Variants in CSMD1 observed in about 807,000 individuals in gnomAD.
The protein encoded by CSMD1 is CUB and Sushi multiple domains 1, also known as CUB and sushi domain-containing protein 1.
In CSMD1, 213 loss-of-function variants were observed where a neutral mutation model predicts 417.5. The observed-to-expected ratio is 0.51, with a 90% CI of 0.46 to 0.57. The LOEUF is 0.57. Among genes scored for constraint, CSMD1 ranks in the 20% least tolerant of loss-of-function variants. The pLI is 0.00. For synonymous variants in CSMD1, 2,862 were observed against 1,736.8 expected (o/e 1.65, Z -16.11); for missense variants, 6,923 against 4,529.7 (o/e 1.53, Z -15.17).
chr8:3,125,789 C>A (rs1324798085), intron 41 of CSMD1, among the ~76,000 whole-genome samples: 1 of 152,152 alleles, frequency 6.6e-6, no homozygotes, highest in Non-Finnish European at 1.5e-5. Context: ...CCAGCCTGGC[C>A]AACATGGTGA....
intron 12 of CSMD1, among the ~76,000 whole-genome samples, chr8:3,453,970 G>T (rs554862403): frequency 1.2e-4 from 19 of 152,174 alleles, no homozygotes; most frequent in African/African-American, 4.1e-4. Context: ...GGTCTCTAAG[G>T]ACTTGCTTTA....
intron 10 of CSMD1, among the ~76,000 whole-genome samples, chr8:3,565,412 G>T (rs372533258): frequency 1.3e-5 from 2 of 152,154 alleles, no homozygotes; most frequent in African/African-American, 4.8e-5. Flanking sequence ...TTATAGGAAA[G>T]GGTGGTGTGT....
At position 3,369,245 on chromosome 8, in the gene CSMD1, G is replaced by A; in HGVS notation, c.2899+9C>T. 7.3e-7 allele frequency: 1 copy of A among 1,360,976 alleles called. No homozygotes were observed. The allele number at this position is 1,360,976 out of a possible 1,614,324, so 84.3% of individuals were successfully genotyped here. Reference sequence around the variant, plus strand: ...GTCTGTATGTTTGAGACCTATGATAGATTCTTACCTTTCCCATGAGACACT... The same window carrying A: ...GTCTGTATGTTTGAGACCTATGATAAATTCTTACCTTTCCCATGAGACACT... On this transcript the variant is annotated intron_variant, in intron 19 of 69. Coordinates refer to ENST00000635120, the MANE Select transcript of CSMD1 (RefSeq NM_033225.6).
At chr8:3,982,679 C>T (rs973657549) in intron 5 of CSMD1, among the ~76,000 whole-genome samples, 3 of 151,550 alleles carry the variant, frequency 2.0e-5, no homozygotes, top group African/African-American at 2.4e-5. Context: ...ACCAGGGTGG[C>T]GGACCGGAAG....
chr8:3,032,267 AC>A (rs2128978199), intron 50 of CSMD1, among the ~76,000 whole-genome samples: 1 of 151,934 alleles, frequency 6.6e-6, no homozygotes, highest in South Asian at 2.1e-4. Context: ...TACAAAAAAA[AC>A]TGAGTTTGAA....
intron 5 of CSMD1, among the ~76,000 whole-genome samples, chr8:3,923,152 C>A (rs1486326493): frequency 6.6e-6 from 1 of 152,090 alleles, no homozygotes; most frequent in African/African-American, 2.4e-5. Context: ...CCAGACCACG[C>A]CGAAGCTTCA....
At chr8:4,945,311 G>A (rs565404962) in intron 1 of CSMD1, among the ~76,000 whole-genome samples, 77 of 152,226 alleles carry the variant, frequency 5.1e-4, no homozygotes, top group African/African-American at 1.8e-3. Context: ...AATAAGTCCT[G>A]GAGATGGATG....
chr8:3,120,515 T>C (rs1044417926), intron 41 of CSMD1, among the ~76,000 whole-genome samples: 3 of 152,164 alleles, frequency 2.0e-5, no homozygotes, highest in Non-Finnish European at 4.4e-5. Context: ...CTTTCTCCTA[T>C]TTAATAAACT....
chr8:4,071,563 T>C (rs1799560185), intron 3 of CSMD1, among the ~76,000 whole-genome samples: 1 of 152,202 alleles, frequency 6.6e-6, no homozygotes, highest in African/African-American at 2.4e-5. Context: ...TCTCCGCTAA[T>C]TCCAACATCT....
At chr8:4,988,925 A>G (rs1300929867) in intron 1 of CSMD1, among the ~76,000 whole-genome samples, 1 of 152,222 alleles carries the variant, frequency 6.6e-6, no homozygotes, top group East Asian at 1.9e-4. Flanking sequence ...TTTTTCCTGT[A>G]AAGGGAATTT....
chr8:3,477,785 A>T (rs559527222), intron 11 of CSMD1, among the ~76,000 whole-genome samples: 1 of 152,172 alleles, frequency 6.6e-6, no homozygotes, highest in African/African-American at 2.4e-5. Flanking sequence ...GAGAGCAAGT[A>T]AAGTGAGTTA....
chr8:3,949,851 C>T, intron 5 of CSMD1: 1 of 453,886 alleles, frequency 2.2e-6, no homozygotes, highest in Admixed American at 2.4e-5. Context: ...GAGGGGATCC[C>T]TGGGGACATG....
At chr8:4,615,237 C>A (rs1334096022) in intron 2 of CSMD1, among the ~76,000 whole-genome samples, 2 of 152,142 alleles carry the variant, frequency 1.3e-5, no homozygotes, top group African/African-American at 4.8e-5. Flanking sequence ...CATGTGAACA[C>A]AACACACCTG....
chr8:3,113,027 G>A (rs914639554), intron 42 of CSMD1: 5 of 152,200 alleles, frequency 3.3e-5, no homozygotes, highest in African/African-American at 9.7e-5. Flanking sequence ...AAGTGGTGGC[G>A]TCTCACTGAG....
At chr8:4,414,235 T>A (rs1040424622) in intron 3 of CSMD1, among the ~76,000 whole-genome samples, 1 of 152,152 alleles carries the variant, frequency 6.6e-6, no homozygotes. Context: ...GCTTGAGGGA[T>A]GTGTCAGAGG....
chr8:4,613,372 CAGAGAAATCCTAA>C (rs1801293062), intron 2 of CSMD1, among the ~76,000 whole-genome samples: 2 of 152,176 alleles, frequency 1.3e-5, no homozygotes, highest in East Asian at 3.9e-4. Flanking sequence ...CACTGGCACA[CAGAGAAATCCTAA>C]AGAGAAATTA....
chr8:4,719,574 T>C (rs2099541721), intron 1 of CSMD1, among the ~76,000 whole-genome samples: 1 of 148,724 alleles, frequency 6.7e-6, no homozygotes, highest in Admixed American at 6.7e-5. Context: ...TATTGCATCC[T>C]TTCTAAGATA....
chr8:3,965,543 G>C (rs1016548094), intron 5 of CSMD1, among the ~76,000 whole-genome samples: 11 of 152,116 alleles, frequency 7.2e-5, no homozygotes, highest in African/African-American at 2.4e-4. Flanking sequence ...TGAACAACTA[G>C]GTCAGGAAAG....
intron 35 of CSMD1, 107 bp downstream of exon 35, chr8:3,188,780 A>G: frequency 1.0e-6 from 1 of 957,594 alleles, no homozygotes; most frequent in Non-Finnish European, 1.4e-6. Flanking sequence ...AAAAAGAGAG[A>G]GGGAGAGAGA....
Sources: allele counts gnomAD v4.1 joint callset (sites outside exome capture counted in the v4.1 genomes callset), GRCh38; gene constraint gnomAD v4.1.1; transcripts MANE v1.5; gene names NCBI Gene and HGNC (gene_info 2026-07-23, HGNC 2026-07-21).